SEMA5A: variants seen among roughly 807,000 people sequenced by gnomAD.
SEMA5A encodes semaphorin 5A.
In SEMA5A, 55 loss-of-function variants were observed where a neutral mutation model predicts 135.5. That is an observed-to-expected ratio of 0.41 (90% CI 0.33 to 0.51). SEMA5A has a LOEUF of 0.51. Ranked by LOEUF, SEMA5A falls within the 20% of genes least tolerant of loss-of-function variation. The pLI is 0.37. For synonymous variants in SEMA5A, 580 were observed against 546.5 expected, an observed-to-expected ratio of 1.06 and a Z score of -0.85; for missense variants, 1,290 against 1,419.9, an observed-to-expected ratio of 0.91 and a Z score of 1.47.
intron 19 of SEMA5A, 113 bp from the exon 20 acceptor site, chr5:9,052,141 T>C: frequency 8.7e-7 from 1 of 1,149,614 alleles, no homozygotes; most frequent in South Asian, 1.7e-5. Context: ...CCATAGCATA[T>C]TTTTAATGGT....
intron 15 of SEMA5A, among the ~76,000 whole-genome samples, chr5:9,113,146 T>C (rs1740332955): frequency 6.6e-6 from 1 of 152,188 alleles, no homozygotes; most frequent in Non-Finnish European, 1.5e-5. Flanking sequence ...AAAAAACTCA[T>C]AGACACCATG....
At chr5:9,069,605 A>C (rs1176437322) in intron 16 of SEMA5A, among the ~76,000 whole-genome samples, 5 of 152,050 alleles carry the variant, frequency 3.3e-5, no homozygotes, top group Non-Finnish European at 7.4e-5. Context: ...TTTTTTTTAC[A>C]GCGGATAACA....
chr5:9,288,831 T>C (rs906960909), intron 5 of SEMA5A, among the ~76,000 whole-genome samples: 1 of 152,192 alleles, frequency 6.6e-6, no homozygotes, highest in African/African-American at 2.4e-5. Context: ...AAACTATATC[T>C]CATTCATATC....
At chr5:9,439,370 C>CTATTTTACAACAATTATTA (rs1253630233) in intron 1 of SEMA5A, among the ~76,000 whole-genome samples, 1 of 152,148 alleles carries the variant, frequency 6.6e-6, no homozygotes, top group East Asian at 1.9e-4. Flanking sequence ...TCTCTCCAGT[C>CTATTTTACAACAATTATTA]CTAAAATCTA....
intron 5 of SEMA5A, among the ~76,000 whole-genome samples, chr5:9,254,070 C>T (rs917879372): frequency 1.3e-5 from 2 of 152,138 alleles, no homozygotes; most frequent in African/African-American, 4.8e-5. Flanking sequence ...GATTGGTTCT[C>T]TACCAAGAAA....
At chr5:9,498,936 TCAAA>T (rs1735439700) in intron 1 of SEMA5A, among the ~76,000 whole-genome samples, 1 of 152,230 alleles carries the variant, frequency 6.6e-6, no homozygotes. Flanking sequence ...ATTCACTCTA[TCAAA>T]CAGATATATT....
At chr5:9,241,144 T>A (rs762575154) in intron 5 of SEMA5A, among the ~76,000 whole-genome samples, 3 of 152,132 alleles carry the variant, frequency 2.0e-5, no homozygotes, top group South Asian at 2.1e-4. Flanking sequence ...GGCAGTGAGT[T>A]TGAAACACCT....
chr5:9,051,960 A>C lies in SEMA5A; in HGVS notation c.2758T>G (p.Cys920Gly), dbSNP rs754602220. The C allele has an allele frequency of 1.9e-6, 3 of 1,613,986 alleles. No individual in the cohort carries two copies. In the African/African-American group the frequency reaches 4.0e-5, roughly 22 times the overall value. ...CTGCCCATGGGGAACAGGAGGATGC[A>C]CTGGCGGGCGCGGACTTGGACGCCA... ...ASGVQVRARQ[C>G]ILLFPMGSQC... Residue 920 changes from cysteine (C) to glycine (G), a missense_variant, in exon 20 of 23, where the codon TGC (cysteine) becomes GGC (glycine). Around this residue, in one of 3 missense-constraint regions of SEMA5A, gnomAD observed 1,029 missense variants for 1,086.6 expected, o/e 0.95. Coordinates refer to ENST00000382496, the MANE Select transcript of SEMA5A (RefSeq NM_003966.3).
chr5:9,336,118 G>A (rs1753380203), intron 4 of SEMA5A, among the ~76,000 whole-genome samples: 1 of 152,174 alleles, frequency 6.6e-6, no homozygotes, highest in Non-Finnish European at 1.5e-5. Context: ...TTACCAAGCA[G>A]ATAATTTGGA....
chr5:9,334,272 G>A (rs1753283081), intron 4 of SEMA5A, among the ~76,000 whole-genome samples: 1 of 152,068 alleles, frequency 6.6e-6, no homozygotes, highest in Admixed American at 6.6e-5. Flanking sequence ...AACCATTACT[G>A]ATTTCTGAAA....
chr5:9,272,722 G>T (rs537499503), intron 5 of SEMA5A, among the ~76,000 whole-genome samples: 1 of 152,174 alleles, frequency 6.6e-6, no homozygotes, highest in East Asian at 1.9e-4. Context: ...AGGCAAACAG[G>T]GTCTGGAGTG....
intron 18 of SEMA5A, among the ~76,000 whole-genome samples, chr5:9,062,161 T>C (rs923106411): frequency 6.6e-6 from 1 of 152,084 alleles, no homozygotes; most frequent in African/African-American, 2.4e-5. Flanking sequence ...GAAAAAAACA[T>C]GAACACAATC....
At chr5:9,052,597 C>T (rs577557415) in intron 19 of SEMA5A, among the ~76,000 whole-genome samples, 1 of 152,252 alleles carries the variant, frequency 6.6e-6, no homozygotes, top group Admixed American at 6.5e-5. Flanking sequence ...ATGCCAAAGT[C>T]AGGTGACCCT....
chr5:9,308,109 C>G (rs1028328196), intron 5 of SEMA5A, among the ~76,000 whole-genome samples: 3 of 152,146 alleles, frequency 2.0e-5, no homozygotes, highest in African/African-American at 7.2e-5. Context: ...GAGTCAGGAA[C>G]ATCAAGAAAA....
rs1372199806 is a variant in SEMA5A at position 9,287,078 on chromosome 5, G to A, written c.270+31294C>T. ...GCCAGGAATGCAGAGGACCAGAAGC[G>A]AATGGGTCAATTAGCCACTAACCCT... On this transcript the variant is annotated intron_variant, in intron 5 of 22. Coordinates refer to ENST00000382496, the MANE Select transcript of SEMA5A (RefSeq NM_003966.3). Among the ~76,000 whole-genome samples, 3 of 152,152 alleles carry A rather than the reference G, an allele frequency of 2.0e-5. No homozygotes were observed. The South Asian group carries it at 6.2e-4, about 32-fold the overall frequency.
intron 12 of SEMA5A, among the ~76,000 whole-genome samples, chr5:9,146,202 C>A (rs1233688853): frequency 6.6e-6 from 1 of 152,140 alleles, no homozygotes; most frequent in Non-Finnish European, 1.5e-5. Context: ...TACCTTGGAA[C>A]CCCTCTTATC....
chr5:9,510,770 C>T (rs1031536024), intron 1 of SEMA5A, among the ~76,000 whole-genome samples: 1 of 152,094 alleles, frequency 6.6e-6, no homozygotes, highest in African/African-American at 2.4e-5. Flanking sequence ...CATTTACCTC[C>T]CAATTAGAAT....
At chr5:9,473,383 T>A (rs1364301297) in intron 1 of SEMA5A, among the ~76,000 whole-genome samples, 66 of 79,692 alleles carry the variant, frequency 8.3e-4, no homozygotes, top group East Asian at 1.9e-3. Context: ...CAATCAGTGG[T>A]AAAAAAAAAA....
intron 5 of SEMA5A, among the ~76,000 whole-genome samples, chr5:9,269,967 G>T (rs995080969): frequency 6.6e-6 from 1 of 152,074 alleles, no homozygotes. Flanking sequence ...TGGCCCCTTA[G>T]CTGGTTTCTG....
Sources: allele counts gnomAD v4.1 joint callset (sites outside exome capture counted in the v4.1 genomes callset), GRCh38; gene constraint gnomAD v4.1.1; regional missense constraint gnomAD v4.1.1; transcripts MANE v1.5; gene names NCBI Gene and HGNC (gene_info 2026-07-23, HGNC 2026-07-21).